Variants in MAP3K14 observed in about 807,000 individuals in gnomAD.
The protein encoded by MAP3K14 is NF-kappa-beta-inducing kinase.
A neutral mutation model predicts 99.2 loss-of-function variants in MAP3K14; 16 were observed. The observed-to-expected ratio is 0.16, with a 90% CI of 0.11 to 0.24. The LOEUF (loss-of-function observed/expected upper bound fraction) is 0.24, where lower values mean the gene tolerates loss of function less well. Ranked by LOEUF, MAP3K14 falls within the 10% of genes least tolerant of loss-of-function variation. The probability of loss-of-function intolerance (pLI) is 1.00; values close to 1 mark genes in which losing one functional copy is unlikely to be tolerated. For missense variants in MAP3K14, 784 were observed against 1,208.7 expected (o/e 0.65, Z 5.21); for synonymous variants, 462 against 492.4 (o/e 0.94, Z 0.82).
intron 1 of MAP3K14, among the ~76,000 whole-genome samples, chr17:45,313,768 C>A (rs537150667): frequency 2.6e-5 from 4 of 152,230 alleles, no homozygotes; most frequent in Admixed American, 6.5e-5. Flanking sequence ...AAAGCTGCTA[C>A]CCTGGTTTCG....
chr17:45,294,032 C>T (rs1220047408), intron 1 of MAP3K14, among the ~76,000 whole-genome samples: 5 of 152,258 alleles, frequency 3.3e-5, no homozygotes, highest in African/African-American at 1.2e-4. Flanking sequence ...CCTTCTCCCT[C>T]CTGCAGCGTG....
intron 1 of MAP3K14, among the ~76,000 whole-genome samples, chr17:45,295,420 A>C (rs1484700039): frequency 1.3e-5 from 2 of 152,162 alleles, no homozygotes; most frequent in Admixed American, 1.3e-4. Flanking sequence ...CTAGTTCTCC[A>C]AGAAAAGAGT....
intron 1 of MAP3K14, among the ~76,000 whole-genome samples, chr17:45,307,444 T>C (rs2143867180): frequency 6.6e-6 from 1 of 152,240 alleles, no homozygotes. Flanking sequence ...ACTAAAATCA[T>C]GTGAAACACA....
intron 1 of MAP3K14, among the ~76,000 whole-genome samples, chr17:45,302,990 ACTGTTTC>A (rs2044401945): frequency 6.6e-6 from 1 of 152,228 alleles, no homozygotes; most frequent in East Asian, 1.9e-4. Context: ...GAAGATGCGG[ACTGTTTC>A]CTGCTTTGAT....
intron 1 of MAP3K14, among the ~76,000 whole-genome samples, chr17:45,304,502 T>C (rs1030780947): frequency 6.6e-6 from 1 of 152,226 alleles, no homozygotes; most frequent in Non-Finnish European, 1.5e-5. Context: ...GGTGACTCTT[T>C]TGTTAATGGG....
chr17:45,264,641 G>T lies in MAP3K14; in HGVS notation c.2839C>A (p.Pro947Thr). The T allele has an allele frequency of 6.3e-7, 1 of 1,577,786 alleles. No individual in the cohort carries two copies. Among genetic ancestry groups the T allele is most frequent in the Middle Eastern group, 1.7e-4 (1 of 6,010 alleles). The change falls in exon 16 of 16, where the codon CCC (proline) becomes ACC (threonine). Residue 947 changes from proline to threonine, a missense_variant. Around this residue, in one of 5 missense-constraint regions of MAP3K14, gnomAD observed 130 missense variants for 220.4 expected, o/e 0.59. Transcript: ENST00000344686. ...GCCGGCGGTGGAGGGCAGGGTTAGGGCCTGTTCTCCAGCTGGCCATGCTTG... is the reference window on the plus strand; with the variant it reads ...GCCGGCGGTGGAGGGCAGGGTTAGGTCCTGTTCTCCAGCTGGCCATGCTTG... ...RVKHGQLENR[P>T]
intron 1 of MAP3K14, among the ~76,000 whole-genome samples, chr17:45,291,132 G>C (rs562894567): frequency 6.6e-6 from 1 of 152,098 alleles, no homozygotes. Context: ...GGCAAACTTT[G>C]TTTCCCCAGG....
intron 6 of MAP3K14, among the ~76,000 whole-genome samples, chr17:45,277,826 T>C (rs746098516): frequency 1.3e-4 from 20 of 152,196 alleles, no homozygotes; most frequent in Non-Finnish European, 2.9e-4. Flanking sequence ...AATGTATCTC[T>C]ATGAAGCTAT....
In MAP3K14 at chr17:45,267,725, A is replaced by G. The variant is rs1598240895; in HGVS notation, c.2007T>C (p.Tyr669=). The G allele has an allele frequency of 1.2e-6, 2 of 1,613,028 alleles. No individual in the cohort carries two copies. Among genetic ancestry groups the G allele is most frequent in the African/African-American group, 2.7e-5 (2 of 75,020 alleles). ...GGLKSPWRGE[Y]KEPRHPPPNQ... is the part of the protein sequence containing the mutation. ...TTGGCGGTGGATGTCTTGGTTCTTT[A>G]TATTCTCCCCTCCAAGGGCTCTTCA... Residue 669 remains tyrosine, a synonymous_variant, in exon 12 of 16, where the codon TAT becomes TAC. Transcript: ENST00000344686. This position sits in a 1 kb window ranked among gnomAD's most constrained non-coding sequence, Gnocchi z 5.1.
intron 6 of MAP3K14, among the ~76,000 whole-genome samples, chr17:45,275,199 A>G (rs2044170006): frequency 6.6e-6 from 1 of 151,864 alleles, no homozygotes; most frequent in Non-Finnish European, 1.5e-5. Context: ...GCGGTGGCTC[A>G]TGGCTGTAAT....
chr17:45,284,842 C>T lies in MAP3K14; in HGVS notation c.1260G>A (p.Lys420=), dbSNP rs923236947. ...TGACAGCGCACTGGAAGCCAGTCTG[C>T]TTGTCCTCCATCCTGTGCACCTCTC... The part of the protein sequence containing the change: ...SFGEVHRMED[K]QTGFQCAVKK... Residue 420 remains lysine (K), a synonymous_variant, in exon 6 of 16, where the codon AAG becomes AAA. Coordinates refer to ENST00000344686, the MANE Select transcript of MAP3K14 (RefSeq NM_003954.5). 6.3e-7 allele frequency: 1 copy of T among 1,594,404 alleles called. No individual in the cohort carries two copies. The highest frequency in any genetic ancestry group is 8.5e-7 in the Non-Finnish European group (1 of 1,170,786).
chr17:45,270,465 G>C lies in MAP3K14; in HGVS notation c.1920C>G (p.His640Gln). 1 of 1,612,170 alleles carries C rather than the reference G, an allele frequency of 6.2e-7. No individual in the cohort carries two copies. Reference protein sequence around the residue: ...IQEGLRKEPIHRVSAAELGGK... With the variant: ...IQEGLRKEPIQRVSAAELGGK... ...CTCCCAGCTCCGCTGCAGACACGCG[G>C]TGGATGGGCTCTTTCCTCAGCCCCT... The change falls in exon 11 of 16, where the codon CAC (histidine) becomes CAG (glutamine). Residue 640 changes from histidine to glutamine, a missense_variant. His to Gln is a conservative substitution (Grantham distance 24, BLOSUM62 0). Around this residue, in one of 5 missense-constraint regions of MAP3K14, gnomAD observed 200 missense variants for 367.9 expected, o/e 0.54. Transcript: ENST00000344686.
In MAP3K14 at chr17:45,287,335, T is replaced by C. The variant is rs1216823636; in HGVS notation, c.356A>G (p.Asn119Ser). The change falls in exon 4 of 16, where the codon AAC (asparagine) becomes AGC (serine). Residue 119 changes from asparagine to serine, a missense_variant. By Grantham distance (46) the Asn-to-Ser change is conservative. Transcript: ENST00000344686. The stretch of plus-strand genomic sequence containing the variant: ...GCCCTCTGTAGCATGGGCCACATTG[T>C]TGGGGATCTGATCAAGACTCTCGGA... ...SQSESLDQIPNNVAHATEGKM... is the reference protein window; with the variant it reads ...SQSESLDQIPSNVAHATEGKM... 1.2e-6 allele frequency: 2 copies of C among 1,613,878 alleles called. No individual in the cohort carries two copies. The highest frequency in any genetic ancestry group is 1.3e-5 in the African/African-American group (1 of 74,924).
At chr17:45,283,219 C>A (rs2044237853) in intron 6 of MAP3K14, among the ~76,000 whole-genome samples, 1 of 152,218 alleles carries the variant, frequency 6.6e-6, no homozygotes, top group Non-Finnish European at 1.5e-5. Context: ...CTCTCACACT[C>A]TCCTCCCACC....
intron 6 of MAP3K14, among the ~76,000 whole-genome samples, chr17:45,282,920 G>C (rs1166562574): frequency 6.6e-6 from 1 of 152,218 alleles, no homozygotes; most frequent in Non-Finnish European, 1.5e-5. Flanking sequence ...GGCTGCCAAA[G>C]AGCCATCCCC....
chr17:45,304,123 C>T (rs2044413553), intron 1 of MAP3K14, among the ~76,000 whole-genome samples: 1 of 151,310 alleles, frequency 6.6e-6, no homozygotes, highest in South Asian at 2.1e-4. Flanking sequence ...AGTGATCCTC[C>T]TGCCTCAACC....
At chr17:45,290,345 C>T (rs903993165) in intron 2 of MAP3K14, 145 bp downstream of exon 2, 10 of 1,067,080 alleles carry the variant, frequency 9.4e-6, no homozygotes, top group African/African-American at 6.4e-5. Flanking sequence ...CCATGATTCT[C>T]GGCACAGACC....
chr17:45,263,164 AGAGTTCTCTACAACCCAGACTCT>A lies in MAP3K14; in HGVS notation c.*1449_*1471del, dbSNP rs1477506474. 2 of 152,288 alleles carry A rather than the reference AGAGTTCTCTACAACCCAGACTCT, an allele frequency of 1.3e-5. No individual in the cohort carries two copies. The highest frequency in any genetic ancestry group is 2.1e-4 in the South Asian group (1 of 4,832). 9.4% of individuals were successfully genotyped at this position (152,288 alleles called of 1,614,324 possible). A position where few individuals can be genotyped will look rare whatever the true frequency, so the allele number is the denominator to read the frequency against. On this transcript the variant is annotated 3_prime_UTR_variant, in exon 16 of 16. Transcript: ENST00000344686. Reference sequence around the variant, plus strand: ...TCACCCCAAACTTTATTGCTTACAAAGAGTTCTCTACAACCCAGACTCTGCAGTACCAAGGCTGCAGTTCTTTA... The same window carrying A: ...TCACCCCAAACTTTATTGCTTACAAAGCAGTACCAAGGCTGCAGTTCTTTA...
chr17:45,273,443 A>G lies in MAP3K14; in HGVS notation c.1657+60T>C, dbSNP rs866345611. The G allele has an allele frequency of 2.4e-5, 31 of 1,286,384 alleles. No homozygotes were observed. The Middle Eastern group carries it at 1.3e-3, about 53-fold the overall frequency. The allele number at this position is 1,286,384 out of a possible 1,614,324, so 79.7% of individuals were successfully genotyped here. A position where few individuals can be genotyped will look rare whatever the true frequency, so the allele number is the denominator to read the frequency against. On this transcript the variant is annotated intron_variant, in intron 9 of 15. Transcript: ENST00000344686. The stretch of plus-strand genomic sequence containing the variant: ...CACCTCAATTCCCATTCTGGAAAGC[A>G]TGGAAGGCATTTGGCGAATGAATGC...
Sources: gnomAD v4.1 joint callset for allele counts (sites outside exome capture counted in the v4.1 genomes callset) on GRCh38, gnomAD v4.1.1 for gene constraint, gnomAD v4.1.1 regional missense constraint, Gnocchi (gnomAD v3.1) non-coding constraint, MANE v1.5 for transcripts, NCBI Gene and HGNC (gene_info 2026-07-23, HGNC 2026-07-21) for gene names.